USP49: variants seen among roughly 807,000 people sequenced by gnomAD.
USP49 encodes the protein ubiquitin specific peptidase 49.
Under a neutral mutation model 58.6 loss-of-function variants are expected in USP49, and 24 were observed. The observed-to-expected ratio is 0.41, with a 90% confidence interval of 0.30 to 0.58. USP49 has a LOEUF of 0.58. Ranked by LOEUF, USP49 falls within the 20% of genes least tolerant of loss-of-function variation. The pLI is 0.30. For missense variants in USP49, 703 were observed against 866.1 expected (o/e 0.81, Z 2.36); for synonymous variants, 408 against 365.1 (o/e 1.12, Z -1.34).
At chr6:41,849,977 AAT>A (rs779723039) in intron 3 of USP49, among the ~76,000 whole-genome samples, 6 of 152,186 alleles carry the variant, frequency 3.9e-5, no homozygotes, top group African/African-American at 7.2e-5. Context: ...AAAATCCACA[AAT>A]ATGTGGAAAT....
At chr6:41,862,644 A>T (rs1774242781) in intron 3 of USP49, among the ~76,000 whole-genome samples, 1 of 152,252 alleles carries the variant, frequency 6.6e-6, no homozygotes, top group South Asian at 2.1e-4. Context: ...TAATGAACTC[A>T]ATTTTTTTAA....
chr6:41,881,529 A>C (rs1774608693), intron 2 of USP49, among the ~76,000 whole-genome samples: 1 of 152,082 alleles, frequency 6.6e-6, no homozygotes, highest in Non-Finnish European at 1.5e-5. Flanking sequence ...GGGAAAAAGA[A>C]ACTAAAGGAA....
At chr6:41,886,303 A>G (rs1005418836) in intron 2 of USP49, 2 of 152,262 alleles carry the variant, frequency 1.3e-5, no homozygotes, top group Admixed American at 6.5e-5. Flanking sequence ...TAACATTAAT[A>G]TAGTCCCACA....
chr6:41,815,752 A>C (rs1253920487), intron 3 of USP49, among the ~76,000 whole-genome samples: 3 of 152,228 alleles, frequency 2.0e-5, no homozygotes, highest in Admixed American at 1.3e-4. Flanking sequence ...TCTTGGCCAC[A>C]GTCAACAAGA....
intron 3 of USP49, among the ~76,000 whole-genome samples, chr6:41,840,860 A>G (rs1372658827): frequency 1.3e-5 from 2 of 152,024 alleles, no homozygotes; most frequent in African/African-American, 4.8e-5. Flanking sequence ...CTGGAAAAAA[A>G]ATTAAATATT....
intron 3 of USP49, among the ~76,000 whole-genome samples, chr6:41,841,014 C>CAA (rs1246199740): frequency 1.5e-5 from 2 of 134,818 alleles, no homozygotes. Context: ...GACCTTGTTT[C>CAA]AAAAAAAAAA....
intron 2 of USP49, among the ~76,000 whole-genome samples, chr6:41,887,881 T>C: frequency 6.6e-6 from 1 of 152,174 alleles, no homozygotes. Flanking sequence ...AATGCCTTAC[T>C]TTCCAGACTT....
chr6:41,809,398 G>A (rs1453860982), intron 3 of USP49, among the ~76,000 whole-genome samples: 1 of 151,894 alleles, frequency 6.6e-6, no homozygotes, highest in African/African-American at 2.4e-5. Context: ...GGTGGCAGGC[G>A]CCTGTAATCC....
rs563125567 is a variant in USP49, at chr6:41,878,184, CA to C, written c.-102-6548del. 2.9e-3 allele frequency among the ~76,000 whole-genome samples: 445 copies of C among 152,242 alleles called. 2 individuals carry two copies. The highest frequency in any genetic ancestry group is 2.6e-3 in the Non-Finnish European group (179 of 68,006). On this transcript the variant is annotated intron_variant, in intron 2 of 7. Coordinates refer to ENST00000682992, the MANE Select transcript of USP49 (RefSeq NM_001286554.2). ...ATTCTTTCTTTGCTACCAAAGAAAG[CA>C]AAGACTTTATGTCATTATTCTAGCA...
In USP49 at chr6:41,808,999, C is replaced by T. The variant is rs140686358; in HGVS notation, c.-28-1988G>A. 3.2e-3 allele frequency among the ~76,000 whole-genome samples: 482 copies of T among 152,056 alleles called. 2 individuals are homozygous for T. The highest frequency in any genetic ancestry group is 0.011 in the African/African-American group (451 of 41,494). ...TGTGATCTTGGCTCACTGCAGCCAC[C>T]ACTTCCTGGGTTCAAGTGATCCTCC... On this transcript the variant is annotated intron_variant, in intron 3 of 7. Coordinates refer to ENST00000682992, the MANE Select transcript of USP49 (RefSeq NM_001286554.2).
At chr6:41,879,946 C>T (rs926927052) in intron 2 of USP49, among the ~76,000 whole-genome samples, 1 of 152,084 alleles carries the variant, frequency 6.6e-6, no homozygotes, top group African/African-American at 2.4e-5. Context: ...TGGCTCACTC[C>T]TGAATATGAG....
At chr6:41,891,954 C>A (rs959719286) in intron 1 of USP49, 79 bp from the exon 2 acceptor site, 4 of 152,198 alleles carry the variant, frequency 2.6e-5, no homozygotes, top group African/African-American at 9.6e-5. Context: ...TTTTGCTTAG[C>A]AAATAAGATT....
At chr6:41,813,229 A>G (rs1581998064) in intron 3 of USP49, among the ~76,000 whole-genome samples, 2 of 152,326 alleles carry the variant, frequency 1.3e-5, no homozygotes, top group East Asian at 3.9e-4. Flanking sequence ...AAGATTCAGT[A>G]CTAGCTAAAT....
chr6:41,823,088 T>C (rs985102361), intron 3 of USP49, among the ~76,000 whole-genome samples: 1 of 152,092 alleles, frequency 6.6e-6, no homozygotes, highest in African/African-American at 2.4e-5. Flanking sequence ...AAATATAGTA[T>C]GTGAAAAAAG....
At chr6:41,807,069 A>C in intron 3 of USP49, 58 bp from the exon 4 acceptor site, 2 of 1,187,846 alleles carry the variant, frequency 1.7e-6, no homozygotes, top group Non-Finnish European at 2.1e-6. Flanking sequence ...TTAGAAAAAT[A>C]TTTTCCTTAA....
At chr6:41,810,040 T>C (rs1773223796) in intron 3 of USP49, among the ~76,000 whole-genome samples, 1 of 150,056 alleles carries the variant, frequency 6.7e-6, no homozygotes, top group African/African-American at 2.5e-5. Flanking sequence ...TAGTCCCAGC[T>C]GCTCCGGAGG....
intron 3 of USP49, among the ~76,000 whole-genome samples, chr6:41,845,242 A>T (rs1773902127): frequency 6.6e-6 from 1 of 152,076 alleles, no homozygotes; most frequent in African/African-American, 2.4e-5. Context: ...AAATTCCTTT[A>T]AAAAATGTAA....
chr6:41,819,082 G>A (rs1773409412), intron 3 of USP49, among the ~76,000 whole-genome samples: 1 of 151,912 alleles, frequency 6.6e-6, no homozygotes, highest in Non-Finnish European at 1.5e-5. Flanking sequence ...TTTTGAAATG[G>A]AACAGGAAAT....
intron 3 of USP49, among the ~76,000 whole-genome samples, chr6:41,809,203 ACCTGG>A (rs1174412699): frequency 2.1e-5 from 3 of 144,062 alleles, no homozygotes; most frequent in African/African-American, 7.7e-5. Flanking sequence ...GAGCCACCAC[ACCTGG>A]CCTAGTCTCT....
Sources: allele counts gnomAD v4.1 joint callset (sites outside exome capture counted in the v4.1 genomes callset), GRCh38; gene constraint gnomAD v4.1.1; transcripts MANE v1.5; gene names NCBI Gene and HGNC (gene_info 2026-07-23, HGNC 2026-07-21).